The following RBFOX1 variants were observed in gnomAD, a reference collection of about 807,000 sequenced individuals.
RBFOX1 encodes RNA binding fox-1 homolog 1.
Under a neutral mutation model 57.7 loss-of-function variants are expected in RBFOX1, and 8 were observed. That is an observed-to-expected ratio of 0.14 (90% CI 0.08 to 0.25). RBFOX1 has a LOEUF of 0.25. RBFOX1 is among the 10% of genes least tolerant of loss of function. The pLI is 1.00. For missense variants in RBFOX1, 611 were observed against 548.5 expected (o/e 1.11, Z -1.14); for synonymous variants, 326 against 222.4 (o/e 1.47, Z -4.15).
intron 4 of RBFOX1, among the ~76,000 whole-genome samples, chr16:7,470,735 G>A (rs1476834178): frequency 6.6e-6 from 1 of 152,074 alleles, no homozygotes; most frequent in Non-Finnish European, 1.5e-5. Flanking sequence ...TCCAGAGGAT[G>A]AGCCCAAGCA....
chr16:5,294,047 G>A (rs1363418954), intron 1 of RBFOX1, among the ~76,000 whole-genome samples: 1 of 152,130 alleles, frequency 6.6e-6, no homozygotes, highest in Non-Finnish European at 1.5e-5. Context: ...TGGCCAACGT[G>A]GTGAAACCCT....
chr16:7,185,492 T>C lies in RBFOX1; in HGVS notation c.27+133394T>C, dbSNP rs17670417. On this transcript the variant is annotated intron_variant, in intron 4 of 15. Transcript: ENST00000550418. ...TCTGGGTCTAGTGCCTCCAGTGATA[T>C]TGCATCCTAATAATTCTTATGATAA... 7.2e-3 allele frequency among the ~76,000 whole-genome samples: 1,093 copies of C among 152,292 alleles called. 36 individuals are homozygous for C. The highest frequency in any genetic ancestry group is 0.053 in the East Asian group (273 of 5,174).
chr16:5,606,518 C>A (rs554148945), intron 3 of RBFOX1, among the ~76,000 whole-genome samples: 1 of 152,014 alleles, frequency 6.6e-6, no homozygotes, highest in African/African-American at 2.4e-5. Flanking sequence ...CTCATCTCTT[C>A]CTCATTCCAC....
At chr16:6,751,029 G>T (rs186894410) in intron 3 of RBFOX1, among the ~76,000 whole-genome samples, 1 of 152,246 alleles carries the variant, frequency 6.6e-6, no homozygotes, top group Admixed American at 6.5e-5. Flanking sequence ...CATGTTCAAG[G>T]GCCCTGATGT....
chr16:7,424,806 C>T (rs2098594150), intron 4 of RBFOX1, among the ~76,000 whole-genome samples: 1 of 152,088 alleles, frequency 6.6e-6, no homozygotes, highest in South Asian at 2.1e-4. Context: ...CACATAATCA[C>T]CTTTCTAGTT....
At chr16:5,926,283 T>C (rs1219518031) in intron 4 of RBFOX1, among the ~76,000 whole-genome samples, 2 of 152,224 alleles carry the variant, frequency 1.3e-5, no homozygotes, top group African/African-American at 2.4e-5. Context: ...AGGAACGCTG[T>C]AGCTCTCACT....
rs71145238 is a variant in RBFOX1 at position 6,506,624 on chromosome 16, A to ATTTTTTTTTTTTTTTTTTTTT, written c.-63-147958_-63-147938dup. Among the ~76,000 whole-genome samples, 3 of 98,422 alleles carry ATTTTTTTTTTTTTTTTTTTTT rather than the reference A, an allele frequency of 3.0e-5. 1 individual carries two copies. Among genetic ancestry groups the ATTTTTTTTTTTTTTTTTTTTT allele is most frequent in the African/African-American group, 1.3e-4 (3 of 22,936 alleles). 64.6% of individuals were successfully genotyped at this position (98,422 alleles called of 152,430 possible). A position where few individuals can be genotyped will look rare whatever the true frequency, so the allele number is the denominator to read the frequency against. ...ACGGTAATAACAATCACAGTAGCTA[A>ATTTTTTTTTTTTTTTTTTTTT]TTTTTTTTTTTTTTTTTTTTTTTTT... On this transcript the variant is annotated intron_variant, in intron 2 of 15. Coordinates refer to ENST00000550418, the MANE Select transcript of RBFOX1 (RefSeq NM_018723.4).
rs138883779 is a variant in RBFOX1 at position 5,538,566 on chromosome 16, G to T, written c.259-60336G>T. 9.2e-3 allele frequency among the ~76,000 whole-genome samples: 1,395 copies of T among 151,870 alleles called. 9 individuals carry two copies. Among genetic ancestry groups the T allele is most frequent in the Non-Finnish European group, 0.015 (1,050 of 67,944 alleles). On this transcript the variant is annotated intron_variant, in intron 2 of 2. Transcript: ENST00000585867. Reference sequence around the variant, plus strand: ...TCTTCTGTGATAGTTTTTGTTATCAGGCATTTATATATCATAATGCTCTCT... The same window carrying T: ...TCTTCTGTGATAGTTTTTGTTATCATGCATTTATATATCATAATGCTCTCT...
chr16:5,421,479 A>G (rs904328074), intron 1 of RBFOX1, among the ~76,000 whole-genome samples: 1 of 152,122 alleles, frequency 6.6e-6, no homozygotes, highest in African/African-American at 2.4e-5. Flanking sequence ...TTCCAGTTCC[A>G]GTAGAGAGAA....
At chr16:7,583,673 G>T (rs2093942434) in intron 6 of RBFOX1, among the ~76,000 whole-genome samples, 1 of 152,040 alleles carries the variant, frequency 6.6e-6, no homozygotes, top group African/African-American at 2.4e-5. Context: ...CCTTACTTTA[G>T]GGGTCAAAAT....
chr16:6,729,589 A>G (rs1218107326), intron 3 of RBFOX1, among the ~76,000 whole-genome samples: 1 of 152,164 alleles, frequency 6.6e-6, no homozygotes, highest in Non-Finnish European at 1.5e-5. Flanking sequence ...TCAAAACCCT[A>G]GAGGGAAATG....
At chr16:6,801,421 A>T (rs1464267610) in intron 3 of RBFOX1, among the ~76,000 whole-genome samples, 1 of 152,166 alleles carries the variant, frequency 6.6e-6, no homozygotes, top group East Asian at 1.9e-4. Flanking sequence ...TGCTCAGCTG[A>T]AGATAAATAA....
chr16:6,646,874 A>T lies in RBFOX1; in HGVS notation c.-63-7729A>T, dbSNP rs953012246. Among the ~76,000 whole-genome samples, 8 of 152,238 alleles carry T rather than the reference A, an allele frequency of 5.3e-5. No homozygotes were observed. In the South Asian group the frequency reaches 1.7e-3, roughly 32 times the overall value. ...CCGAAGTCAAGCAGAGACTTCAGCCATTAATTTAGGAGACAGGGTGAGAAA... is the reference window on the plus strand; with the variant it reads ...CCGAAGTCAAGCAGAGACTTCAGCCTTTAATTTAGGAGACAGGGTGAGAAA... On this transcript the variant is annotated intron_variant, in intron 2 of 15. Transcript: ENST00000550418.
chr16:6,074,192 C>A (rs1424700674), intron 1 of RBFOX1, among the ~76,000 whole-genome samples: 2 of 152,156 alleles, frequency 1.3e-5, no homozygotes, highest in Non-Finnish European at 2.9e-5. Context: ...TTGTGATCCG[C>A]CCGCCTCAGC....
At chr16:5,793,693 T>C (rs2151737173) in intron 3 of RBFOX1, among the ~76,000 whole-genome samples, 1 of 152,316 alleles carries the variant, frequency 6.6e-6, no homozygotes, top group East Asian at 1.9e-4. Flanking sequence ...GTCACCCCAT[T>C]GGGAGACTTT....
chr16:6,051,984 A>G (rs2095556867), intron 1 of RBFOX1, among the ~76,000 whole-genome samples: 1 of 152,186 alleles, frequency 6.6e-6, no homozygotes, highest in Non-Finnish European at 1.5e-5. Context: ...TTTGACGCCT[A>G]ATAAAATGGA....
chr16:7,017,672 G>A (rs958998503), intron 3 of RBFOX1, among the ~76,000 whole-genome samples: 4 of 152,068 alleles, frequency 2.6e-5, no homozygotes, highest in Non-Finnish European at 4.4e-5. Context: ...GCTTGACCTT[G>A]GTGAGGGAAG....
chr16:6,771,927 C>T (rs1466964231), intron 3 of RBFOX1, among the ~76,000 whole-genome samples: 1 of 152,128 alleles, frequency 6.6e-6, no homozygotes, highest in African/African-American at 2.4e-5. Flanking sequence ...AAGAGGTTAT[C>T]TCCTACTCTG....
chr16:6,836,512 G>T (rs116764663), intron 3 of RBFOX1, among the ~76,000 whole-genome samples: 3,361 of 152,272 alleles, frequency 0.022, 123 homozygotes, highest in African/African-American at 0.076. Context: ...CCTTCTACGT[G>T]AGTTAGCCTT....
Sources: gnomAD v4.1 joint callset for allele counts (sites outside exome capture counted in the v4.1 genomes callset) on GRCh38, gnomAD v4.1.1 for gene constraint, MANE v1.5 for transcripts, NCBI Gene and HGNC (gene_info 2026-07-23, HGNC 2026-07-21) for gene names.